GPR89B: variants seen among roughly 807,000 people sequenced by gnomAD.
GPR89B encodes the protein golgi pH regulator B, also known as G protein-coupled receptor 89B.
In GPR89B, 25 loss-of-function variants were observed where a neutral mutation model predicts 52.4. That is an observed-to-expected ratio of 0.48 (90% CI 0.35 to 0.67). The LOEUF (loss-of-function observed/expected upper bound fraction) is 0.67, where lower values mean the gene tolerates loss of function less well. Ranked by LOEUF, GPR89B falls within the 30% of genes least tolerant of loss-of-function variation. GPR89B has a pLI of 0.01. For missense variants in GPR89B, 146 were observed against 450.2 expected (o/e 0.32, Z 6.11); for synonymous variants, 52 against 151.2 (o/e 0.34, Z 4.81).
chr1:147,981,335 A>G (rs1472854945), intron 10 of GPR89B, among the ~76,000 whole-genome samples: 4 of 150,932 alleles, frequency 2.7e-5, no homozygotes, highest in Non-Finnish European at 4.4e-5. Flanking sequence ...ACACATACAC[A>G]CACACACACA....
chr1:147,999,199 C>A, the GPR89B span, among the ~76,000 whole-genome samples: 2 of 151,570 alleles, frequency 1.3e-5, no homozygotes, highest in African/African-American at 4.9e-5. Context: ...TTCTGCTTGA[C>A]TTTCCACCAA....
In GPR89B at chr1:147,969,772, G is replaced by A. The variant is rs2784379; in HGVS notation, c.817-95G>A. Reference sequence around the variant, plus strand: ...TATTGCAATGTATGGTTTTTTGACTGAACCTGAACAGTGATTCATAGAGGG... The same window carrying A: ...TATTGCAATGTATGGTTTTTTGACTAAACCTGAACAGTGATTCATAGAGGG... On this transcript the variant is annotated intron_variant, in intron 9 of 13. Coordinates refer to ENST00000314163, the MANE Select transcript of GPR89B (RefSeq NM_016334.5). 1.4e-5 allele frequency: 21 copies of A among 1,520,738 alleles called. No individual in the cohort carries two copies. The South Asian group carries it at 2.4e-4, about 17-fold the overall frequency. 94.2% of individuals were successfully genotyped at this position (1,520,738 alleles called of 1,614,324 possible). A position where few individuals can be genotyped will look rare whatever the true frequency, so the allele number is the denominator to read the frequency against.
chr1:147,961,400 T>C (rs1553252204), intron 7 of GPR89B, among the ~76,000 whole-genome samples: 1 of 150,336 alleles, frequency 6.7e-6, no homozygotes, highest in Non-Finnish European at 1.5e-5. Context: ...AAGGCAAAAG[T>C]AAAGAGAAAA....
intron 5 of GPR89B, among the ~76,000 whole-genome samples, chr1:147,947,285 C>G (rs1157990686): frequency 2.0e-5 from 3 of 150,258 alleles, no homozygotes; most frequent in African/African-American, 7.4e-5. Context: ...TTGCAGTGAG[C>G]TGAGATCGTG....
chr1:148,015,293 A>ATCTCTCTCTCTCTCTCTC, the GPR89B span, among the ~76,000 whole-genome samples: 2 of 69,888 alleles, frequency 2.9e-5, no homozygotes, highest in East Asian at 4.4e-4. Flanking sequence ...GGATTCTAGG[A>ATCTCTCTCTCTCTCTCTC]TCTCTCTCTC....
At chr1:147,932,995 C>G (rs1367093896) in intron 1 of GPR89B, among the ~76,000 whole-genome samples, 1 of 152,124 alleles carries the variant, frequency 6.6e-6, no homozygotes, top group Non-Finnish European at 1.5e-5. Context: ...AACCACTGTA[C>G]TGAGTTTTTA....
chr1:147,940,192 A>C (rs1479365436), intron 3 of GPR89B, among the ~76,000 whole-genome samples: 6 of 151,978 alleles, frequency 3.9e-5, no homozygotes, highest in Non-Finnish European at 5.9e-5. Context: ...TCACGAGGTC[A>C]GGAGATCAAG....
chr1:147,970,491 ATCTCTCTCTCTCTCTCTCTC>A (rs1174595676), intron 10 of GPR89B, among the ~76,000 whole-genome samples: 19 of 105,814 alleles, frequency 1.8e-4, no homozygotes, highest in African/African-American at 6.5e-4. Flanking sequence ...GTGAGACTCC[ATCTCTCTCTCTCTCTCTCTC>A]TCTCTCTCTC....
Position 147,928,465 on chromosome 1 carries a change from G to C in GPR89B, c.-72G>C. 6.3e-7 allele frequency: 1 copy of C among 1,582,836 alleles called. No individual in the cohort carries two copies. The highest frequency in any genetic ancestry group is 8.7e-7 in the Non-Finnish European group (1 of 1,152,548). On this transcript the variant is annotated 5_prime_UTR_variant, in exon 1 of 14. Coordinates refer to ENST00000314163, the MANE Select transcript of GPR89B (RefSeq NM_016334.5). ...TGGGAGAAGGCAGACCGTGTGAGGG[G>C]GCCTGTGGCCCCAGCGTGCTGTGGC...
the GPR89B span, among the ~76,000 whole-genome samples, chr1:148,019,851 G>A: frequency 1.3e-5 from 2 of 151,966 alleles, no homozygotes; most frequent in Non-Finnish European, 2.9e-5. Context: ...AATTCTGGGA[G>A]TGAAATGTCC....
At chr1:148,000,234 C>A in the GPR89B span, among the ~76,000 whole-genome samples, 54 of 150,840 alleles carry the variant, frequency 3.6e-4, no homozygotes, top group Non-Finnish European at 6.5e-4. Context: ...TTATCTAGTG[C>A]CACTTTAAGT....
chr1:147,971,073 G>A (rs1657425466), intron 10 of GPR89B, among the ~76,000 whole-genome samples: 1 of 151,472 alleles, frequency 6.6e-6, no homozygotes, highest in East Asian at 1.9e-4. Flanking sequence ...CATTCAGTGG[G>A]AGATAATGAA....
chr1:147,962,827 G>A (rs1430557159), intron 7 of GPR89B, among the ~76,000 whole-genome samples: 2 of 151,106 alleles, frequency 1.3e-5, no homozygotes, highest in African/African-American at 4.9e-5. Flanking sequence ...AACCCAGGAG[G>A]TGGAGGTTGC....
chr1:147,969,013 G>C, intron 9 of GPR89B, 50 bp downstream of exon 9: 2 of 1,468,468 alleles, frequency 1.4e-6, no homozygotes, highest in East Asian at 2.3e-5. Flanking sequence ...TTATTAAAGA[G>C]AGAACAAGAC....
At chr1:147,939,407 C>T (rs1159630265) in intron 3 of GPR89B, among the ~76,000 whole-genome samples, 1 of 152,188 alleles carries the variant, frequency 6.6e-6, no homozygotes, top group Non-Finnish European at 1.5e-5. Flanking sequence ...TGTTAATCTG[C>T]AAGCTTGAGT....
chr1:147,991,353 G>C (rs1659053457), intron 12 of GPR89B, among the ~76,000 whole-genome samples: 1 of 152,274 alleles, frequency 6.6e-6, no homozygotes, highest in South Asian at 2.1e-4. Flanking sequence ...TTTGGGCTGA[G>C]ACGATGGGGT....
Position 147,928,480 on chromosome 1 carries a change from C to A in GPR89B, c.-57C>A. 2 of 1,605,412 alleles carry A rather than the reference C, an allele frequency of 1.2e-6. No homozygotes were observed. The highest frequency in any genetic ancestry group is 1.1e-5 in the South Asian group (1 of 90,866). ...CGTGTGAGGGGGCCTGTGGCCCCAGCGTGCTGTGGCCTCCGGGAGTGGGAA... is the reference window on the plus strand; with the variant it reads ...CGTGTGAGGGGGCCTGTGGCCCCAGAGTGCTGTGGCCTCCGGGAGTGGGAA... On this transcript the variant is annotated 5_prime_UTR_variant, in exon 1 of 14. Coordinates refer to ENST00000314163, the MANE Select transcript of GPR89B (RefSeq NM_016334.5).
At chr1:147,969,745 A>G in intron 9 of GPR89B, 122 bp from the exon 10 acceptor site, 1 of 1,438,392 alleles carries the variant, frequency 7.0e-7, no homozygotes. Flanking sequence ...TTAGTTTAAT[A>G]TTATTGCAAT....
chr1:147,930,932 A>ATC (rs1436958306), intron 1 of GPR89B, among the ~76,000 whole-genome samples: 1 of 152,034 alleles, frequency 6.6e-6, no homozygotes, highest in African/African-American at 2.4e-5. Flanking sequence ...AAGCCTTCAG[A>ATC]TCTCAAGTTG....
Sources: allele counts gnomAD v4.1 joint callset (sites outside exome capture counted in the v4.1 genomes callset), GRCh38; gene constraint gnomAD v4.1.1; transcripts MANE v1.5; gene names NCBI Gene and HGNC (gene_info 2026-07-23, HGNC 2026-07-21).